Variants in ANKS1B observed in about 807,000 individuals in gnomAD.
ANKS1B encodes the protein ankyrin repeat and sterile alpha motif domain-containing protein 1B.
In ANKS1B, 36 loss-of-function variants were observed where a neutral mutation model predicts 148.3. That is an observed-to-expected ratio of 0.24 (90% CI 0.19 to 0.32). The LOEUF is 0.32. Ranked by LOEUF, ANKS1B falls within the 10% of genes least tolerant of loss-of-function variation. ANKS1B has a pLI of 1.00. For synonymous variants in ANKS1B, 542 were observed against 560.8 expected, an observed-to-expected ratio of 0.97 and a Z score of 0.47; for missense variants, 1,157 against 1,542.6, an observed-to-expected ratio of 0.75 and a Z score of 4.19.
chr12:99,897,701 C>G (rs1359729297), intron 1 of ANKS1B, among the ~76,000 whole-genome samples: 1 of 150,954 alleles, frequency 6.6e-6, no homozygotes, highest in African/African-American at 2.4e-5. Context: ...CATACTAGTG[C>G]TTAGAACAAG....
chr12:98,950,743 G>T (rs1416116830), intron 17 of ANKS1B, among the ~76,000 whole-genome samples: 1 of 152,086 alleles, frequency 6.6e-6, no homozygotes, highest in African/African-American at 2.4e-5. Context: ...GTCATTGTGA[G>T]TTTCTGTGTG....
At chr12:99,136,284 T>A (rs2068030657) in intron 15 of ANKS1B, among the ~76,000 whole-genome samples, 1 of 152,098 alleles carries the variant, frequency 6.6e-6, no homozygotes, top group African/African-American at 2.4e-5. Context: ...AGAAATACTT[T>A]CAGGTCCCAA....
At chr12:99,974,759 T>C (rs2095605488) in intron 1 of ANKS1B, among the ~76,000 whole-genome samples, 1 of 152,034 alleles carries the variant, frequency 6.6e-6, no homozygotes, top group African/African-American at 2.4e-5. Context: ...TTCCCTATGT[T>C]GCCCAAGTTG....
rs529922643 is a variant in ANKS1B, at chr12:98,829,989, G to T, written c.2887-636C>A. Among the ~76,000 whole-genome samples the T allele has an allele frequency of 6.6e-6, 1 of 152,206 alleles. No homozygotes were observed. The highest frequency in any genetic ancestry group is 1.5e-5 in the Non-Finnish European group (1 of 68,044). Reference sequence around the variant, plus strand: ...GGATTGGGATCATGGTGTTTCTCCAGATCCCTTCTCCTCCGGATATTCTGG... The same window carrying T: ...GGATTGGGATCATGGTGTTTCTCCATATCCCTTCTCCTCCGGATATTCTGG... On this transcript the variant is annotated intron_variant, in intron 18 of 26. Coordinates refer to ENST00000683438, the MANE Select transcript of ANKS1B (RefSeq NM_001352186.2). The surrounding 1 kb of genome is among the most constrained non-coding windows in gnomAD (Gnocchi z 5.2).
At chr12:99,510,664 C>G (rs1435084414) in intron 9 of ANKS1B, among the ~76,000 whole-genome samples, 2 of 151,978 alleles carry the variant, frequency 1.3e-5, no homozygotes, top group Non-Finnish European at 2.9e-5. Context: ...GAAATGATAA[C>G]AAAGGATTTA....
chr12:99,795,181 A>G (rs967511579), intron 4 of ANKS1B, among the ~76,000 whole-genome samples: 2 of 151,828 alleles, frequency 1.3e-5, no homozygotes, highest in Non-Finnish European at 2.9e-5. Flanking sequence ...AAGTTCCAGG[A>G]CCAGCAAGCA....
chr12:99,057,768 G>A (rs1182301997), intron 16 of ANKS1B, among the ~76,000 whole-genome samples: 1 of 152,156 alleles, frequency 6.6e-6, no homozygotes, highest in Non-Finnish European at 1.5e-5. Context: ...GTGCTCCTGT[G>A]TTCTACTAAT....
chr12:98,986,045 T>G (rs988501372), intron 17 of ANKS1B, among the ~76,000 whole-genome samples: 2 of 152,204 alleles, frequency 1.3e-5, no homozygotes, highest in Admixed American at 1.3e-4. Context: ...CACTTTAAAA[T>G]GCTATTCCAT....
At chr12:99,975,946 C>A (rs557013706) in intron 1 of ANKS1B, among the ~76,000 whole-genome samples, 1 of 152,278 alleles carries the variant, frequency 6.6e-6, no homozygotes, top group African/African-American at 2.4e-5. Flanking sequence ...TGGAATCAAT[C>A]TAGATGCCCA....
intron 8 of ANKS1B, among the ~76,000 whole-genome samples, chr12:99,661,772 A>G (rs2098478726): frequency 6.6e-6 from 1 of 152,208 alleles, no homozygotes; most frequent in Admixed American, 6.5e-5. Context: ...AGCTGGGCAC[A>G]TGTATTCTTT....
In ANKS1B at chr12:99,956,774, C is replaced by A. The variant is rs182165068; in HGVS notation, c.134+27330G>T. ...ATTCTCTCAATTTTAGAGCAGCAGG[C>A]AGGGCTCCCAAGAAGAGATTTCATA... On this transcript the variant is annotated intron_variant, in intron 1 of 26. Coordinates refer to ENST00000683438, the MANE Select transcript of ANKS1B (RefSeq NM_001352186.2). Among the ~76,000 whole-genome samples the A allele has an allele frequency of 5.9e-5, 9 of 152,300 alleles. No homozygotes were observed. The East Asian group carries it at 1.5e-3, about 26-fold the overall frequency.
At chr12:98,836,483 G>A (rs1266023851) in intron 17 of ANKS1B, among the ~76,000 whole-genome samples, 1 of 152,064 alleles carries the variant, frequency 6.6e-6, no homozygotes, top group Non-Finnish European at 1.5e-5. Context: ...AAATCCAATT[G>A]GCAAAACAAT....
chr12:98,804,200 T>G (rs1013876440), intron 20 of ANKS1B, among the ~76,000 whole-genome samples: 7 of 152,224 alleles, frequency 4.6e-5, no homozygotes, highest in Admixed American at 4.6e-4. Context: ...TCATTTTCTT[T>G]GTGGCCTTCA....
At chr12:98,999,300 A>C (rs1052385076) in intron 17 of ANKS1B, among the ~76,000 whole-genome samples, 2 of 152,216 alleles carry the variant, frequency 1.3e-5, no homozygotes, top group Non-Finnish European at 2.9e-5. Context: ...TAGCAGCTTG[A>C]CCTTTGTATT....
intron 1 of ANKS1B, among the ~76,000 whole-genome samples, chr12:99,848,585 T>C (rs2087120820): frequency 6.6e-6 from 1 of 152,174 alleles, no homozygotes; most frequent in South Asian, 2.1e-4. Context: ...CCTTGATTTA[T>C]GACAAGGATG....
intron 9 of ANKS1B, among the ~76,000 whole-genome samples, chr12:99,505,419 A>AC: frequency 1.3e-5 from 2 of 151,962 alleles, no homozygotes; most frequent in African/African-American, 4.8e-5. Context: ...TTCCTTGTAA[A>AC]TACCATTAAC....
chr12:99,427,892 G>A (rs528283693), intron 11 of ANKS1B, among the ~76,000 whole-genome samples: 3 of 152,124 alleles, frequency 2.0e-5, no homozygotes, highest in African/African-American at 7.2e-5. Flanking sequence ...TATCGGAAAG[G>A]GTGCAAGAAC....
At chr12:99,412,848 T>C (rs897630767) in intron 11 of ANKS1B, among the ~76,000 whole-genome samples, 4 of 152,220 alleles carry the variant, frequency 2.6e-5, no homozygotes, top group African/African-American at 9.6e-5. Context: ...GTAAGTATCA[T>C]TGCCATTTCA....
intron 8 of ANKS1B, among the ~76,000 whole-genome samples, chr12:99,727,654 G>A (rs148895657): frequency 1.1e-3 from 163 of 152,220 alleles, no homozygotes; most frequent in African/African-American, 3.4e-3. Context: ...AATTTCATAT[G>A]GAACCAAACA....
Sources: gnomAD v4.1 joint callset for allele counts (sites outside exome capture counted in the v4.1 genomes callset) on GRCh38, gnomAD v4.1.1 for gene constraint, Gnocchi (gnomAD v3.1) non-coding constraint, MANE v1.5 for transcripts, NCBI Gene and HGNC (gene_info 2026-07-23, HGNC 2026-07-21) for gene names.